The following NTNG1 variants were observed in gnomAD, a reference collection of about 807,000 sequenced individuals.
NTNG1 encodes netrin-G1.
NTNG1 carries 16 observed loss-of-function variants against 54.0 expected under a neutral mutation model. The ratio of observed to expected loss-of-function variants is 0.30; its 90% CI spans 0.20 to 0.45. The LOEUF (loss-of-function observed/expected upper bound fraction) is 0.45, where lower values mean the gene tolerates loss of function less well. NTNG1 is among the 20% of genes least tolerant of loss of function. The pLI is 1.00. For missense variants in NTNG1, 530 were observed against 678.7 expected (o/e 0.78, Z 2.43); for synonymous variants, 255 against 263.1 (o/e 0.97, Z 0.30).
At chr1:107,172,886 A>C (rs888579838) in intron 2 of NTNG1, among the ~76,000 whole-genome samples, 3 of 152,182 alleles carry the variant, frequency 2.0e-5, no homozygotes, top group Non-Finnish European at 4.4e-5. Context: ...TTTTCTTGGC[A>C]GACTCTAAAG....
At chr1:107,239,522 T>C (rs1220843000) in intron 2 of NTNG1, among the ~76,000 whole-genome samples, 3 of 152,230 alleles carry the variant, frequency 2.0e-5, no homozygotes, top group Non-Finnish European at 4.4e-5. Context: ...TTCTGGAGGA[T>C]TGCTGTCTCT....
intron 5 of NTNG1, among the ~76,000 whole-genome samples, chr1:107,428,381 T>C (rs1675032712): frequency 6.6e-6 from 1 of 152,126 alleles, no homozygotes; most frequent in African/African-American, 2.4e-5. Context: ...TCTGGTTATC[T>C]GAGCATATGT....
At chr1:107,458,624 T>A (rs1349094295) in intron 7 of NTNG1, among the ~76,000 whole-genome samples, 1 of 152,164 alleles carries the variant, frequency 6.6e-6, no homozygotes, top group Non-Finnish European at 1.5e-5. Flanking sequence ...TTAACAATAT[T>A]CATGAAACAA....
At chr1:107,216,277 ATAGGTT>A (rs1659952367) in intron 2 of NTNG1, among the ~76,000 whole-genome samples, 1 of 152,102 alleles carries the variant, frequency 6.6e-6, no homozygotes, top group Non-Finnish European at 1.5e-5. Flanking sequence ...ACTGTTGGCT[ATAGGTT>A]TGTCATAGAT....
At chr1:107,452,097 A>T (rs1676660872) in intron 7 of NTNG1, among the ~76,000 whole-genome samples, 1 of 152,170 alleles carries the variant, frequency 6.6e-6, no homozygotes, top group Non-Finnish European at 1.5e-5. Flanking sequence ...ATTACACCTC[A>T]TTGGGGTTGT....
chr1:107,295,186 G>A (rs1294437811), intron 2 of NTNG1, among the ~76,000 whole-genome samples: 2 of 152,172 alleles, frequency 1.3e-5, no homozygotes. Context: ...GCCCAGTGGA[G>A]CAAATTATAT....
intron 2 of NTNG1, among the ~76,000 whole-genome samples, chr1:107,271,740 G>T (rs1488236197): frequency 2.0e-5 from 3 of 151,212 alleles, no homozygotes; most frequent in Non-Finnish European, 2.9e-5. Flanking sequence ...CCATCTTTAG[G>T]TGAAAAAAAA....
chr1:107,190,492 A>G (rs531564976), intron 2 of NTNG1, among the ~76,000 whole-genome samples: 2 of 152,194 alleles, frequency 1.3e-5, no homozygotes, highest in Admixed American at 1.3e-4. Flanking sequence ...TTTGTTACAT[A>G]TGTATACATG....
chr1:107,353,496 T>G (rs761607410), intron 3 of NTNG1, among the ~76,000 whole-genome samples: 2 of 152,142 alleles, frequency 1.3e-5, no homozygotes, highest in Non-Finnish European at 2.9e-5. Flanking sequence ...CAGCCTAGAC[T>G]TCATTGTCCA....
intron 2 of NTNG1, among the ~76,000 whole-genome samples, chr1:107,296,695 T>C (rs1457671537): frequency 6.8e-6 from 1 of 148,022 alleles, no homozygotes; most frequent in African/African-American, 2.5e-5. Context: ...TATATACTAA[T>C]ATACTATTAC....
chr1:107,335,580 A>T (rs572556688), intron 3 of NTNG1, among the ~76,000 whole-genome samples: 2 of 152,026 alleles, frequency 1.3e-5, no homozygotes, highest in Admixed American at 6.6e-5. Flanking sequence ...AGAAGGAGGA[A>T]AAAAGAGAGA....
rs561783567 is a variant in NTNG1 at position 107,281,354 on chromosome 1, A to ATT, written c.247-42920_247-42919dup. On this transcript the variant is annotated intron_variant, in intron 2 of 7. Coordinates refer to ENST00000370068, the MANE Select transcript of NTNG1 (RefSeq NM_001113226.3). ...CTCTTGGAATTTATATTTAGCAGGG[A>ATT]TTTTTTTTTCAGAAAAATAATATGA... Among the ~76,000 whole-genome samples, 80 of 151,382 alleles carry ATT rather than the reference A, an allele frequency of 5.3e-4. No individual in the cohort carries two copies. In the East Asian group the frequency reaches 9.7e-3, roughly 18 times the overall value.
intron 2 of NTNG1, among the ~76,000 whole-genome samples, chr1:107,163,059 T>C (rs1188367006): frequency 1.3e-5 from 2 of 152,186 alleles, no homozygotes; most frequent in African/African-American, 4.8e-5. Flanking sequence ...TACATCTTCT[T>C]GTTTGTTCAG....
chr1:107,261,198 G>A (rs921003951), intron 2 of NTNG1, among the ~76,000 whole-genome samples: 1 of 152,164 alleles, frequency 6.6e-6, no homozygotes, highest in African/African-American at 2.4e-5. Context: ...CTAAGTACTG[G>A]AGATATGAAA....
At chr1:107,439,397 TTA>T (rs755133607) in intron 7 of NTNG1, among the ~76,000 whole-genome samples, 5 of 151,846 alleles carry the variant, frequency 3.3e-5, no homozygotes, top group Non-Finnish European at 7.4e-5. Flanking sequence ...CTAAGACATT[TTA>T]TGTTGTCAGG....
At chr1:107,329,225 C>G (rs1439991015) in intron 3 of NTNG1, among the ~76,000 whole-genome samples, 1 of 152,116 alleles carries the variant, frequency 6.6e-6, no homozygotes, top group African/African-American at 2.4e-5. Context: ...TCATGGCTGC[C>G]CCTGCTCAGA....
At chr1:107,389,443 G>T (rs1430291058) in intron 3 of NTNG1, among the ~76,000 whole-genome samples, 1 of 152,188 alleles carries the variant, frequency 6.6e-6, no homozygotes, top group Non-Finnish European at 1.5e-5. Context: ...AAATGAGGCA[G>T]ACGGTATAGG....
intron 2 of NTNG1, among the ~76,000 whole-genome samples, chr1:107,175,295 A>C (rs72979594): frequency 6.6e-6 from 1 of 152,184 alleles, no homozygotes. Context: ...CAAACTTTGC[A>C]TCAGAAAGCA....
At chr1:107,374,797 T>A (rs1671129724) in intron 3 of NTNG1, among the ~76,000 whole-genome samples, 1 of 152,110 alleles carries the variant, frequency 6.6e-6, no homozygotes, top group South Asian at 2.1e-4. Flanking sequence ...TCTGGTTGAG[T>A]GTTGAGCCTT....
Sources: allele counts gnomAD v4.1 joint callset (sites outside exome capture counted in the v4.1 genomes callset), GRCh38; gene constraint gnomAD v4.1.1; transcripts MANE v1.5; gene names NCBI Gene and HGNC (gene_info 2026-07-23, HGNC 2026-07-21).